The following TTC27 variants were observed in gnomAD, a reference collection of about 807,000 sequenced individuals.
TTC27 encodes tetratricopeptide repeat domain 27.
In TTC27, 79 loss-of-function variants were observed where a neutral mutation model predicts 115.9. The observed-to-expected ratio is 0.68, with a 90% confidence interval of 0.57 to 0.82. TTC27 has a LOEUF of 0.82. TTC27 is among the 40% of genes least tolerant of loss of function. The probability of loss-of-function intolerance (pLI) is 0.00; values close to 1 mark genes in which losing one functional copy is unlikely to be tolerated. For synonymous variants in TTC27, 401 were observed against 356.0 expected (o/e 1.13, Z -1.42); for missense variants, 1,054 against 993.1 (o/e 1.06, Z -0.82).
At chr2:32,712,691 G>T (rs897174081) in intron 10 of TTC27, among the ~76,000 whole-genome samples, 1 of 151,850 alleles carries the variant, frequency 6.6e-6, no homozygotes, top group African/African-American at 2.4e-5. Flanking sequence ...CCAACTACAG[G>T]TGTGCGTCAC....
At chr2:32,710,543 C>T (rs1055647156) in intron 10 of TTC27, among the ~76,000 whole-genome samples, 19 of 150,018 alleles carry the variant, frequency 1.3e-4, no homozygotes, top group Non-Finnish European at 2.7e-4. Flanking sequence ...AATTCTCCTA[C>T]CTCAGCCTCC....
chr2:32,789,225 C>T (rs769058247), intron 16 of TTC27, among the ~76,000 whole-genome samples: 51 of 152,158 alleles, frequency 3.4e-4, no homozygotes, highest in Non-Finnish European at 2.4e-4. Context: ...TATGGCAAAT[C>T]TTGCTAACTC....
At chr2:32,644,634 G>T (rs1416564226) in intron 4 of TTC27, among the ~76,000 whole-genome samples, 1 of 151,388 alleles carries the variant, frequency 6.6e-6, no homozygotes, top group African/African-American at 2.4e-5. Flanking sequence ...TCACTGTGTT[G>T]CCCAGGCTGA....
At chr2:32,792,749 A>T (rs1670579968) in intron 16 of TTC27, among the ~76,000 whole-genome samples, 1 of 152,240 alleles carries the variant, frequency 6.6e-6, no homozygotes, top group Admixed American at 6.5e-5. Context: ...GAGGACCTCC[A>T]GGATTCAAAG....
intron 7 of TTC27, among the ~76,000 whole-genome samples, chr2:32,667,222 C>T (rs1310727405): frequency 1.3e-5 from 2 of 151,770 alleles, no homozygotes; most frequent in Non-Finnish European, 2.9e-5. Flanking sequence ...TTGTGATCGG[C>T]CTTTTGTTTC....
rs77916471 is a variant in TTC27 at position 32,654,061 on chromosome 2, A to G, written c.640+3828A>G. On this transcript the variant is annotated intron_variant, in intron 5 of 19. Coordinates refer to ENST00000317907, the MANE Select transcript of TTC27 (RefSeq NM_017735.5). ...TTCCATATCTACAGCTTTTATCCTA[A>G]TCTGAAATCTTTAGTTTGGAAAGGC... Among the ~76,000 whole-genome samples, 112 of 152,226 alleles carry G rather than the reference A, an allele frequency of 7.4e-4. No individual in the cohort carries two copies. The East Asian group carries it at 0.014, about 19-fold the overall frequency.
chr2:32,760,007 G>A (rs750402845), intron 13 of TTC27, among the ~76,000 whole-genome samples: 7 of 152,048 alleles, frequency 4.6e-5, no homozygotes, highest in African/African-American at 4.8e-5. Context: ...ATGGATACTT[G>A]GCTTACTTCC....
At chr2:32,721,434 C>T (rs1441803066) in intron 10 of TTC27, among the ~76,000 whole-genome samples, 4 of 151,978 alleles carry the variant, frequency 2.6e-5, no homozygotes, top group Admixed American at 2.0e-4. Context: ...CTTTTCCCAT[C>T]CTCATTCTCA....
chr2:32,820,918 C>A lies in TTC27; in HGVS notation c.2512C>A (p.Gln838Lys), dbSNP rs79122773. The A allele has an allele frequency of 1.1e-4, 172 of 1,524,404 alleles. No individual in the cohort carries two copies. The African/African-American group carries it at 2.1e-3, about 18-fold the overall frequency. 94.4% of individuals were successfully genotyped at this position (1,524,404 alleles called of 1,614,324 possible). The change falls in exon 20 of 20, where the codon CAG becomes AAG. Residue 838 changes from glutamine to lysine, a missense_variant. Transcript: ENST00000317907. ...GACAGAGCTCCAAGACCTAAGCAAC[C>A]AGTTTCGAAATCAGTATTGATTCTG... Reference protein sequence around the residue: ...LVTELQDLSNQFRNQY With the variant: ...LVTELQDLSNKFRNQY
intron 16 of TTC27, among the ~76,000 whole-genome samples, chr2:32,808,645 C>A (rs1290831847): frequency 1.3e-5 from 2 of 152,152 alleles, no homozygotes; most frequent in African/African-American, 4.8e-5. Flanking sequence ...ACTTTACCAA[C>A]TTTTTCCCTC....
At chr2:32,742,721 T>A (rs114589548) in intron 12 of TTC27, among the ~76,000 whole-genome samples, 234 of 152,300 alleles carry the variant, frequency 1.5e-3, no homozygotes, top group African/African-American at 5.3e-3. Flanking sequence ...CCTGTCATCT[T>A]TATGTACTGT....
intron 13 of TTC27, among the ~76,000 whole-genome samples, chr2:32,770,704 G>A (rs1669799170): frequency 6.6e-6 from 1 of 152,178 alleles, no homozygotes; most frequent in Admixed American, 6.5e-5. Flanking sequence ...CTATGATACA[G>A]TACTCTGACA....
At chr2:32,636,896 C>T (rs1664449612) in intron 3 of TTC27, among the ~76,000 whole-genome samples, 1 of 152,116 alleles carries the variant, frequency 6.6e-6, no homozygotes, top group Non-Finnish European at 1.5e-5. Flanking sequence ...TAGGTGCAGT[C>T]ATATGAGCAG....
chr2:32,745,907 T>C (rs1668809578), intron 12 of TTC27, among the ~76,000 whole-genome samples: 1 of 152,170 alleles, frequency 6.6e-6, no homozygotes, highest in South Asian at 2.1e-4. Context: ...GGGTATGACC[T>C]TTGCTCTAAA....
intron 14 of TTC27, among the ~76,000 whole-genome samples, chr2:32,778,708 G>A (rs1410534675): frequency 6.6e-6 from 1 of 152,162 alleles, no homozygotes; most frequent in Non-Finnish European, 1.5e-5. Flanking sequence ...ATTCCATTGT[G>A]TGGGTATATC....
intron 9 of TTC27, among the ~76,000 whole-genome samples, chr2:32,682,251 T>A (rs1431198052): frequency 2.0e-5 from 3 of 152,072 alleles, no homozygotes; most frequent in African/African-American, 7.2e-5. Flanking sequence ...ATAATTTAGG[T>A]AGTACTGCAT....
At chr2:32,816,087 C>G (rs1671492700) in intron 18 of TTC27, among the ~76,000 whole-genome samples, 1 of 152,052 alleles carries the variant, frequency 6.6e-6, no homozygotes, top group Non-Finnish European at 1.5e-5. Flanking sequence ...GTGGGTGGAT[C>G]ACTTGAGCCC....
chr2:32,630,822 A>T (rs549996869), intron 2 of TTC27, 122 bp downstream of exon 2: 1 of 831,972 alleles, frequency 1.2e-6, no homozygotes, highest in African/African-American at 1.7e-5. Context: ...CTCAAGACTC[A>T]TGGTGTACCA....
At chr2:32,683,350 T>C (rs894396556) in intron 9 of TTC27, among the ~76,000 whole-genome samples, 5 of 152,030 alleles carry the variant, frequency 3.3e-5, no homozygotes, top group African/African-American at 9.7e-5. Flanking sequence ...GGGACAGTGG[T>C]TATTTGGTGT....
Sources: gnomAD v4.1 joint callset for allele counts (sites outside exome capture counted in the v4.1 genomes callset) on GRCh38, gnomAD v4.1.1 for gene constraint, MANE v1.5 for transcripts, NCBI Gene and HGNC (gene_info 2026-07-23, HGNC 2026-07-21) for gene names.